The following EIF2B3 variants were observed in gnomAD, a reference collection of about 807,000 sequenced individuals.
EIF2B3 encodes the protein translation initiation factor eIF2B subunit gamma.
A neutral mutation model predicts 54.1 loss-of-function variants in EIF2B3; 20 were observed. The ratio of observed to expected loss-of-function variants is 0.37; its 90% confidence interval spans 0.26 to 0.54. The LOEUF is 0.54. Ranked by LOEUF, EIF2B3 falls within the 20% of genes least tolerant of loss-of-function variation. EIF2B3 has a pLI of 0.86. For synonymous variants in EIF2B3, 153 were observed against 188.1 expected (o/e 0.81, Z 1.52); for missense variants, 448 against 547.8 (o/e 0.82, Z 1.82).
At chr1:44,927,150 A>G (rs1251673316) in intron 4 of EIF2B3, among the ~76,000 whole-genome samples, 1 of 152,010 alleles carries the variant, frequency 6.6e-6, no homozygotes, top group South Asian at 2.1e-4. Context: ...AAAAAAAAAA[A>G]CAGGATTGAG....
At chr1:44,873,799 C>G (rs867667015) in intron 10 of EIF2B3, among the ~76,000 whole-genome samples, 13 of 148,620 alleles carry the variant, frequency 8.7e-5, no homozygotes, top group African/African-American at 2.9e-4. Context: ...CACCACCACA[C>G]CTGGCTAATT....
chr1:44,915,591 T>A (rs1249243280), intron 5 of EIF2B3, among the ~76,000 whole-genome samples: 3 of 152,080 alleles, frequency 2.0e-5, no homozygotes, highest in Non-Finnish European at 4.4e-5. Flanking sequence ...CTTGAAATCC[T>A]GGGCTAAAGT....
intron 5 of EIF2B3, among the ~76,000 whole-genome samples, chr1:44,925,632 A>C (rs560289819): frequency 2.0e-5 from 3 of 152,208 alleles, no homozygotes; most frequent in Non-Finnish European, 4.4e-5. Flanking sequence ...TTCACTTAAA[A>C]ATGGCCACTT....
chr1:44,866,562 T>C (rs1654789953), intron 10 of EIF2B3, among the ~76,000 whole-genome samples: 1 of 152,004 alleles, frequency 6.6e-6, no homozygotes, highest in Non-Finnish European at 1.5e-5. Flanking sequence ...ATGACAATTT[T>C]TTTTTTTTTT....
chr1:44,857,764 C>T lies in EIF2B3; in HGVS notation c.1246G>A (p.Glu416Lys), dbSNP rs529847913. Residue 416 changes from glutamate to lysine, a missense_variant, in exon 11 of 12, where the codon GAG becomes AAG. By Grantham distance (56) the Glu-to-Lys change is moderately conservative (BLOSUM62 1). Around this residue, in one of 3 missense-constraint regions of EIF2B3, gnomAD observed 350 missense variants for 414.2 expected, o/e 0.85. Coordinates refer to ENST00000360403, the MANE Select transcript of EIF2B3 (RefSeq NM_020365.5). ...GSVICNNAVI[E>K]KGADIKDCLI... ...CAGTCCTTGATGTCTGCACCCTTCT[C>T]GATCACAGCATTGTTGCAGATGACA... 7 of 1,614,018 alleles carry T rather than the reference C, an allele frequency of 4.3e-6. No homozygotes were observed. Among genetic ancestry groups the T allele is most frequent in the South Asian group, 2.2e-5 (2 of 91,082 alleles).
At chr1:44,916,982 G>A (rs537398798) in intron 5 of EIF2B3, among the ~76,000 whole-genome samples, 3 of 151,068 alleles carry the variant, frequency 2.0e-5, no homozygotes, top group South Asian at 2.1e-4. Flanking sequence ...TAATATTCTC[G>A]AGTTCCACTT....
rs1644024340 is a variant in EIF2B3, at chr1:44,941,660, A to G, written c.300T>C (p.Asp100=). 1 of 1,614,188 alleles carries G rather than the reference A, an allele frequency of 6.2e-7. No individual in the cohort carries two copies. Among genetic ancestry groups the G allele is most frequent in the Non-Finnish European group, 8.5e-7 (1 of 1,180,024 alleles). The stretch of plus-strand genomic sequence containing the variant: ...TCAGATCACAGCTCAGCACCAGCAC[A>G]TCTGTCTGTTAAATGGAGATGGGAA... ...LRYIYPKLKT[D]VLVLSCDLIT... is the part of the protein sequence containing the mutation. The change falls in exon 4 of 12, where the codon GAT becomes GAC. Residue 100 remains aspartate (D), a synonymous_variant. Transcript: ENST00000360403.
At chr1:44,906,094 C>T (rs914603589) in intron 5 of EIF2B3, among the ~76,000 whole-genome samples, 1 of 152,184 alleles carries the variant, frequency 6.6e-6, no homozygotes, top group Non-Finnish European at 1.5e-5. Context: ...AGCTGTCTGG[C>T]CCATACAACT....
chr1:44,919,893 T>C (rs1436742671), intron 5 of EIF2B3, among the ~76,000 whole-genome samples: 1 of 149,522 alleles, frequency 6.7e-6, no homozygotes, highest in African/African-American at 2.4e-5. Flanking sequence ...CTTTTTTTTT[T>C]TTTTTTTTAG....
intron 3 of EIF2B3, among the ~76,000 whole-genome samples, chr1:44,960,954 A>T (rs1334024979): frequency 6.6e-6 from 1 of 152,108 alleles, no homozygotes; most frequent in East Asian, 1.9e-4. Flanking sequence ...AAAGTTTACC[A>T]ATGTGTTACT....
At chr1:44,872,691 C>G (rs55708712) in intron 10 of EIF2B3, among the ~76,000 whole-genome samples, 22,797 of 151,870 alleles carry the variant, frequency 0.15, 1,831 homozygotes, top group Non-Finnish European at 0.17. Flanking sequence ...CCACTCCTTT[C>G]TCCAGCTCAG....
Position 44,881,814 on chromosome 1 carries a change from C to T in EIF2B3, c.657-75G>A. 1 of 1,584,588 alleles carries T rather than the reference C, an allele frequency of 6.3e-7. No homozygotes were observed. The highest frequency in any genetic ancestry group is 8.6e-7 in the Non-Finnish European group (1 of 1,160,324). Reference sequence around the variant, plus strand: ...ACCCGGATCAAAAGCTCTGTGCATACAAGGAAAAGCCAAATCCTTTCCTGT... The same window carrying T: ...ACCCGGATCAAAAGCTCTGTGCATATAAGGAAAAGCCAAATCCTTTCCTGT... On this transcript the variant is annotated intron_variant, in intron 6 of 11. Transcript: ENST00000360403. The surrounding 1 kb of genome is among the most constrained non-coding windows in gnomAD (Gnocchi z 4.0).
At chr1:44,852,779 CAAAA>C (rs35073051) in intron 11 of EIF2B3, among the ~76,000 whole-genome samples, 1 of 111,928 alleles carries the variant, frequency 8.9e-6, no homozygotes. Context: ...AACTCTGTCT[CAAAA>C]AAAAAAAAAA....
At chr1:44,956,933 C>T (rs1348678997) in intron 3 of EIF2B3, among the ~76,000 whole-genome samples, 1 of 152,078 alleles carries the variant, frequency 6.6e-6, no homozygotes, top group Admixed American at 6.5e-5. Flanking sequence ...ATTCAAAATC[C>T]AGATGAATTA....
At chr1:44,940,079 A>G (rs1644003475) in intron 4 of EIF2B3, among the ~76,000 whole-genome samples, 1 of 152,212 alleles carries the variant, frequency 6.6e-6, no homozygotes, top group Non-Finnish European at 1.5e-5. Flanking sequence ...TCATCTGAAC[A>G]CAAAAAGCAA....
chr1:44,882,780 GT>G (rs1017154835), intron 6 of EIF2B3, among the ~76,000 whole-genome samples: 2 of 151,156 alleles, frequency 1.3e-5, no homozygotes, highest in African/African-American at 4.9e-5. Flanking sequence ...ATGCCTGGCT[GT>G]TTTTGTATTT....
At chr1:44,957,601 A>G (rs1020183375) in intron 3 of EIF2B3, among the ~76,000 whole-genome samples, 6 of 152,106 alleles carry the variant, frequency 3.9e-5, no homozygotes, top group Non-Finnish European at 8.8e-5. Flanking sequence ...TCTCTACTAA[A>G]AATACAAAAA....
intron 5 of EIF2B3, among the ~76,000 whole-genome samples, chr1:44,917,974 C>A (rs1228623131): frequency 6.7e-6 from 1 of 149,918 alleles, no homozygotes; most frequent in African/African-American, 2.4e-5. Flanking sequence ...GGGGTTTCAC[C>A]GTGTTAGCCA....
chr1:44,903,725 C>A (rs1643359255), intron 5 of EIF2B3, among the ~76,000 whole-genome samples: 2 of 152,152 alleles, frequency 1.3e-5, no homozygotes, highest in African/African-American at 4.8e-5. Flanking sequence ...AACTGGTATG[C>A]ATGTTGATAT....
Sources: gnomAD v4.1 joint callset for allele counts (sites outside exome capture counted in the v4.1 genomes callset) on GRCh38, gnomAD v4.1.1 for gene constraint, gnomAD v4.1.1 regional missense constraint, Gnocchi (gnomAD v3.1) non-coding constraint, MANE v1.5 for transcripts, NCBI Gene and HGNC (gene_info 2026-07-23, HGNC 2026-07-21) for gene names.